Variants in PLSCR2 observed in about 807,000 individuals in gnomAD.
PLSCR2 encodes PL scramblase 2.
PLSCR2 carries 18 observed loss-of-function variants against 25.3 expected under a neutral mutation model. That is an observed-to-expected ratio of 0.71 (90% CI 0.49 to 1.06). The LOEUF (loss-of-function observed/expected upper bound fraction) is 1.06. Among genes scored for constraint, PLSCR2 ranks in the 50% least tolerant of loss-of-function variants. The probability of loss-of-function intolerance (pLI) is 0.00; values close to 1 mark genes in which losing one functional copy is unlikely to be tolerated. For synonymous variants in PLSCR2, 88 were observed against 87.3 expected (o/e 1.01, Z -0.04); for missense variants, 243 against 269.5 (o/e 0.90, Z 0.69).
At chr3:146,476,903 A>G (rs2042306005) in intron 1 of PLSCR2, among the ~76,000 whole-genome samples, 1 of 152,216 alleles carries the variant, frequency 6.6e-6, no homozygotes. Context: ...GTCTCCATGG[A>G]CCAGCTGACT....
intron 1 of PLSCR2, among the ~76,000 whole-genome samples, chr3:146,483,459 AT>A (rs1394093560): frequency 1.7e-5 from 1 of 58,638 alleles, no homozygotes; most frequent in Non-Finnish European, 3.4e-5. Context: ...GTATGTATAT[AT>A]ATATATATAT....
chr3:146,412,687 G>A (rs1169466891), intron 2 of PLSCR2, among the ~76,000 whole-genome samples: 3 of 152,190 alleles, frequency 2.0e-5, no homozygotes, highest in Non-Finnish European at 4.4e-5. Context: ...GCAATGACAA[G>A]AGCACACCTG....
At chr3:146,460,120 C>T in intron 1 of PLSCR2, 37 bp from the exon 2 acceptor site, 2 of 1,438,660 alleles carry the variant, frequency 1.4e-6, no homozygotes, top group Middle Eastern at 1.9e-4. Context: ...TGTAGCTGCC[C>T]AGAAAAGTCA....
chr3:146,457,775 G>A (rs1018854293), intron 3 of PLSCR2, among the ~76,000 whole-genome samples: 1 of 152,226 alleles, frequency 6.6e-6, no homozygotes, highest in Non-Finnish European at 1.5e-5. Flanking sequence ...GGTAAAGTGA[G>A]TGAATCCCTT....
chr3:146,465,214 T>C (rs1044925164), upstream of PLSCR2, among the ~76,000 whole-genome samples: 1 of 152,166 alleles, frequency 6.6e-6, no homozygotes, highest in African/African-American at 2.4e-5. Context: ...CAAGGTACCT[T>C]ATAAAAACTG....
intron 2 of PLSCR2, among the ~76,000 whole-genome samples, chr3:146,420,436 T>A (rs2039109410): frequency 6.6e-6 from 1 of 152,106 alleles, no homozygotes; most frequent in South Asian, 2.1e-4. Flanking sequence ...ATATTGTATA[T>A]ATAGTTGTAT....
chr3:146,408,453 AT>A (rs1006672515), intron 2 of PLSCR2, among the ~76,000 whole-genome samples: 4 of 151,194 alleles, frequency 2.6e-5, no homozygotes, highest in Middle Eastern at 3.4e-3. Flanking sequence ...CACCATTTAG[AT>A]TTTTTTTTGT....
chr3:146,403,984 C>A (rs1473004184), intron 2 of PLSCR2, among the ~76,000 whole-genome samples: 2 of 152,174 alleles, frequency 1.3e-5, no homozygotes, highest in East Asian at 3.8e-4. Context: ...ACCTACTCCA[C>A]CCTGACTCAT....
chr3:146,471,684 A>G (rs6440442), intron 1 of PLSCR2, among the ~76,000 whole-genome samples: 4,455 of 151,656 alleles, frequency 0.029, 222 homozygotes, highest in African/African-American at 0.098. Flanking sequence ...CTCTTGCCTC[A>G]GCCTCCCAAG....
chr3:146,441,267 G>A (rs1441360806), downstream of PLSCR2, among the ~76,000 whole-genome samples: 8 of 151,978 alleles, frequency 5.3e-5, no homozygotes, highest in Admixed American at 5.3e-4. Flanking sequence ...TTGAGAATAT[G>A]CATATTAAAT....
chr3:146,483,439 ATATACACATGTATG>A (rs2043205648), intron 1 of PLSCR2, among the ~76,000 whole-genome samples: 2 of 66,210 alleles, frequency 3.0e-5, no homozygotes, highest in Non-Finnish European at 6.4e-5. Flanking sequence ...ATATATATAT[ATATACACATGTATG>A]TATATATATA....
chr3:146,465,618 C>A (rs990793774), intron 1 of PLSCR2, among the ~76,000 whole-genome samples: 19 of 151,314 alleles, frequency 1.3e-4, no homozygotes, highest in Admixed American at 7.9e-4. Context: ...ATATTCTTCT[C>A]AAGCCCCAAG....
At chr3:146,456,947 G>C (rs146744089) in intron 3 of PLSCR2, among the ~76,000 whole-genome samples, 8 of 152,004 alleles carry the variant, frequency 5.3e-5, no homozygotes, top group African/African-American at 1.9e-4. Flanking sequence ...ATAATGTATA[G>C]TGTCTGGCCT....
chr3:146,483,026 A>C (rs2043185195), intron 1 of PLSCR2, among the ~76,000 whole-genome samples: 1 of 151,938 alleles, frequency 6.6e-6, no homozygotes, highest in Admixed American at 6.6e-5. Context: ...GCAATCAGGC[A>C]GGAGAAAGAA....
chr3:146,474,091 C>T (rs1293276797), intron 1 of PLSCR2, among the ~76,000 whole-genome samples: 2 of 146,412 alleles, frequency 1.4e-5, no homozygotes, highest in Admixed American at 7.0e-5. Flanking sequence ...GAGTTTCCTG[C>T]TTACTTTTGT....
intron 2 of PLSCR2, among the ~76,000 whole-genome samples, chr3:146,423,234 C>CCT (rs200145864): frequency 0.066 from 3,530 of 53,330 alleles, 309 homozygotes; most frequent in East Asian, 0.086. Context: ...CCTTGCAGTG[C>CCT]CTCTCTCTCT....
chr3:146,424,638 C>T (rs1224290718), intron 2 of PLSCR2, among the ~76,000 whole-genome samples: 1 of 151,938 alleles, frequency 6.6e-6, no homozygotes, highest in Non-Finnish European at 1.5e-5. Flanking sequence ...CAACTGAGGT[C>T]CAAATATATT....
At chr3:146,491,729 C>T (rs1450545024) in intron 1 of PLSCR2, among the ~76,000 whole-genome samples, 1 of 152,054 alleles carries the variant, frequency 6.6e-6, no homozygotes, top group Non-Finnish European at 1.5e-5. Context: ...AATGACTATG[C>T]CACTTTTCAA....
At chr3:146,481,616 G>T (rs1225528203) in intron 1 of PLSCR2, among the ~76,000 whole-genome samples, 6 of 152,286 alleles carry the variant, frequency 3.9e-5, no homozygotes, top group Non-Finnish European at 8.8e-5. Context: ...CATGCTCATG[G>T]ATAGGAAGAA....
Sources: gnomAD v4.1 joint callset for allele counts (sites outside exome capture counted in the v4.1 genomes callset) on GRCh38, gnomAD v4.1.1 for gene constraint, MANE v1.5 for transcripts, NCBI Gene and HGNC (gene_info 2026-07-23, HGNC 2026-07-21) for gene names.